KRT72: variants seen among roughly 807,000 people sequenced by gnomAD.
KRT72 encodes the protein keratin 72.
In KRT72, 44 loss-of-function variants were observed where a neutral mutation model predicts 44.7. The ratio of observed to expected loss-of-function variants is 0.98; its 90% CI spans 0.77 to 1.27. The LOEUF (loss-of-function observed/expected upper bound fraction) is 1.27. KRT72 is among the 50% of genes most tolerant of loss of function. KRT72 has a pLI of 0.00. For missense variants in KRT72, 736 were observed against 667.1 expected (o/e 1.10, Z -1.14); for synonymous variants, 302 against 280.4 (o/e 1.08, Z -0.77).
chr12:52,594,455 T>C (rs1278058648), intron 2 of KRT72, among the ~76,000 whole-genome samples: 1 of 152,216 alleles, frequency 6.6e-6, no homozygotes, highest in Non-Finnish European at 1.5e-5. Flanking sequence ...TCATATCCTT[T>C]GTAGGGACAT....
chr12:52,588,989 G>T (rs1469915748), intron 6 of KRT72, among the ~76,000 whole-genome samples: 2 of 119,044 alleles, frequency 1.7e-5, no homozygotes, highest in African/African-American at 7.5e-5. Flanking sequence ...GACAGAGGGA[G>T]AATCCATCTC....
chr12:52,599,306 TA>T, intron 1 of KRT72, 194 bp from the exon 2 acceptor site: 1 of 661,248 alleles, frequency 1.5e-6, no homozygotes, highest in South Asian at 1.5e-5. Context: ...ACCCGGTCTA[TA>T]TGGAATCAGG....
upstream of KRT72, chr12:52,601,627 T>G: frequency 3.2e-6 from 2 of 618,764 alleles, no homozygotes; most frequent in Admixed American, 3.2e-5. Flanking sequence ...TGTAGGAAAT[T>G]ACCATGCACT....
Position 52,586,020 on chromosome 12 carries a change from A to T in KRT72, c.1498T>A (p.Ser500Thr). ...SELKDPLAKT[S>T]GSSCATKKAS... Reference sequence around the variant, plus strand: ...TTTTTGGTGGCACAGCTGCTCCCCGAGGTTTTGGCAAGGGGATCCTTGAGC... The same window carrying T: ...TTTTTGGTGGCACAGCTGCTCCCCGTGGTTTTGGCAAGGGGATCCTTGAGC... The change falls in exon 9 of 9, where the codon TCG becomes ACG. Residue 500 changes from serine (S) to threonine (T), a missense_variant. Transcript: ENST00000293745. 1 of 1,613,930 alleles carries T rather than the reference A, an allele frequency of 6.2e-7. No homozygotes were observed.
intron 3 of KRT72, 115 bp from the exon 4 acceptor site, chr12:52,592,606 G>T: frequency 1.3e-6 from 1 of 772,110 alleles, no homozygotes; most frequent in Non-Finnish European, 2.1e-6. Flanking sequence ...TTCATGGGGG[G>T]CTCCCTGAGA....
chr12:52,595,676 C>G (rs1312596071), intron 2 of KRT72, among the ~76,000 whole-genome samples: 1 of 152,150 alleles, frequency 6.6e-6, no homozygotes, highest in Non-Finnish European at 1.5e-5. Context: ...GAGGCAGAAT[C>G]ACATTATTTT....
chr12:52,598,913 T>A lies in KRT72; in HGVS notation c.626A>T (p.Glu209Val). The A allele has an allele frequency of 6.2e-7, 1 of 1,614,104 alleles. No homozygotes were observed. The highest frequency in any genetic ancestry group is 8.5e-7 in the Non-Finnish European group (1 of 1,179,952). ...ACTCACTCACCTCTTCTTGTAGTCC[T>A]CCACCAAATCCTGCATGTTCCTCAG... Reference protein sequence around the residue: ...SELRNMQDLVEDYKKRYEVEI... With the variant: ...SELRNMQDLVVDYKKRYEVEI... Residue 209 changes from glutamate to valine, a missense_variant, in exon 2 of 9, where the codon GAG becomes GTG. Glu to Val is a moderately radical substitution (Grantham distance 121). Transcript: ENST00000293745.
chr12:52,587,971 T>C (rs1044679947), intron 6 of KRT72, 120 bp from the exon 7 acceptor site: 14 of 1,036,084 alleles, frequency 1.4e-5, no homozygotes, highest in Non-Finnish European at 2.0e-5. Flanking sequence ...TCCTGGTTTA[T>C]CCAACTTTGG....
intron 2 of KRT72, among the ~76,000 whole-genome samples, chr12:52,594,770 G>A (rs1475616205): frequency 2.0e-5 from 3 of 152,164 alleles, no homozygotes; most frequent in African/African-American, 7.2e-5. Flanking sequence ...AAAAAGCACT[G>A]TTGAATGGCT....
chr12:52,602,761 G>A (rs1275392374), upstream of KRT72, among the ~76,000 whole-genome samples: 1 of 152,218 alleles, frequency 6.6e-6, no homozygotes, highest in Non-Finnish European at 1.5e-5. Context: ...CACCTTCAGT[G>A]ATACCCTGAA....
Position 52,586,075 on chromosome 12 carries a change from G to A in KRT72, c.1443C>T (p.Asp481=), listed in dbSNP as rs140133622. 435 of 1,614,154 alleles carry A rather than the reference G, an allele frequency of 2.7e-4. 6 individuals are homozygous for A. The Middle Eastern group carries it at 4.6e-3, about 17-fold the overall frequency. The change falls in exon 9 of 9, where the codon GAC becomes GAT. Residue 481 remains aspartate, a synonymous_variant. Transcript: ENST00000293745. ...SSYSYKTAAA[D]VKTKGSCGSE... is the part of the protein sequence containing the mutation. ...TGCCACAGCTGCCTTTGGTCTTGAC[G>A]TCTGCAGCTGCAGTTTTGTAGCTAT...
intron 2 of KRT72, among the ~76,000 whole-genome samples, chr12:52,596,699 C>T (rs377108288): frequency 5.9e-5 from 9 of 152,082 alleles, no homozygotes; most frequent in Middle Eastern, 6.8e-3. Flanking sequence ...CACAGACGCA[C>T]GCCACCATGC....
Position 52,587,811 on chromosome 12 carries a change from C to G in KRT72, c.1130G>C (p.Arg377Pro), listed in dbSNP as rs184630537. ...GGCATCTTTCAGGGCGCAGTCCCCC[C>G]GCTGTTCAGCGTCGGCGATGGCCGT... ...LETAIADAEQ[R>P]GDCALKDARA... The change falls in exon 7 of 9, where the codon CGG becomes CCG. Residue 377 changes from arginine to proline, a missense_variant. Physicochemically the swap from Arg to Pro is moderately radical, Grantham distance 103. Transcript: ENST00000293745. The G allele has an allele frequency of 5.6e-6, 9 of 1,614,168 alleles. 1 individual carries two copies. The South Asian group carries it at 8.8e-5, about 16-fold the overall frequency.
intron 6 of KRT72, 140 bp downstream of exon 6, chr12:52,590,696 T>A: frequency 5.1e-6 from 4 of 786,454 alleles, no homozygotes; most frequent in Non-Finnish European, 7.6e-6. Flanking sequence ...TATCCCTCCA[T>A]ATCTGTTCAG....
In KRT72 at chr12:52,586,990, G is replaced by C. The variant is rs939165803; in HGVS notation, c.1311-10C>G. The C allele has an allele frequency of 6.2e-7, 1 of 1,613,414 alleles. No individual in the cohort carries two copies. The highest frequency in any genetic ancestry group is 1.3e-5 in the African/African-American group (1 of 74,896). On this transcript the variant is annotated splice_polypyrimidine_tract_variant and intron_variant, in intron 7 of 8. Transcript: ENST00000293745. ...ATATTCGCCAGACATCCTGAAGAAG[G>C]AGAAGAAAAACAGGTAAATCCCCCA...
In KRT72 at chr12:52,586,901, C is replaced by T. The variant is rs777416178; in HGVS notation, c.1345+45G>A. 7 of 1,584,640 alleles carry T rather than the reference C, an allele frequency of 4.4e-6. No homozygotes were observed. In the African/African-American group the frequency reaches 8.1e-5, roughly 18 times the overall value. On this transcript the variant is annotated intron_variant, in intron 8 of 8. Transcript: ENST00000293745. The stretch of plus-strand genomic sequence containing the variant: ...TCATGAATTAAAGGGACTCGGACTT[C>T]TGGTAAGGTGACCAAGGGCAGAACT...
At position 52,587,660 on chromosome 12, in the gene KRT72, G is replaced by A. The variant is rs746063905; in HGVS notation, c.1281C>T (p.Tyr427=). ...ACTCCTCGCTCTCCAGCAGCTTGCG[G>A]TAGGTGGCGATCTCCATATCCAGGG... ...KLALDMEIAT[Y]RKLLESEECR... The change falls in exon 7 of 9, where the codon TAC becomes TAT. Residue 427 remains tyrosine (Y), a synonymous_variant. Coordinates refer to ENST00000293745, the MANE Select transcript of KRT72 (RefSeq NM_080747.3). 6.2e-7 allele frequency: 1 copy of A among 1,614,196 alleles called. No individual in the cohort carries two copies. The highest frequency in any genetic ancestry group is 8.5e-7 in the Non-Finnish European group (1 of 1,180,042).
Position 52,587,064 on chromosome 12 carries a change from T to A in KRT72, c.1311-84A>T. The A allele has an allele frequency of 5.3e-6, 7 of 1,315,314 alleles. No homozygotes were observed. The Admixed American group carries it at 1.0e-4, about 19-fold the overall frequency. 81.5% of individuals were successfully genotyped at this position (1,315,314 alleles called of 1,614,324 possible). On this transcript the variant is annotated intron_variant, in intron 7 of 8. Transcript: ENST00000293745. ...GAAGTCACCTCTGTGAATAAGCCTC[T>A]CCACGCAGAATGTGCCTTCCCAAAC...
At position 52,585,911 on chromosome 12, in the gene KRT72, G is replaced by T; in HGVS notation, c.*71C>A. The stretch of plus-strand genomic sequence containing the variant: ...AAGCATTTCTTGACTTGGAAAGGGA[G>T]CCCAGGGAAGGAGAGGGAGGAGACG... On this transcript the variant is annotated 3_prime_UTR_variant, in exon 9 of 9. Transcript: ENST00000293745. The T allele has an allele frequency of 1.5e-6, 2 of 1,361,542 alleles. No individual in the cohort carries two copies. The highest frequency in any genetic ancestry group is 2.1e-6 in the Non-Finnish European group (2 of 975,540). 84.3% of individuals were successfully genotyped at this position (1,361,542 alleles called of 1,614,324 possible). A position where few individuals can be genotyped will look rare whatever the true frequency, so the allele number is the denominator to read the frequency against.
Sources: allele counts gnomAD v4.1 joint callset (sites outside exome capture counted in the v4.1 genomes callset), GRCh38; gene constraint gnomAD v4.1.1; transcripts MANE v1.5; gene names NCBI Gene and HGNC (gene_info 2026-07-23, HGNC 2026-07-21).